The following PARD3 variants were observed in gnomAD, a reference collection of about 807,000 sequenced individuals.
PARD3 encodes partitioning defective 3 homolog.
PARD3 carries 75 observed loss-of-function variants against 155.4 expected under a neutral mutation model. The observed-to-expected ratio is 0.48, with a 90% CI of 0.40 to 0.58. The LOEUF (loss-of-function observed/expected upper bound fraction) is 0.58. Among genes scored for constraint, PARD3 ranks in the 20% least tolerant of loss-of-function variants. PARD3 has a pLI of 0.00. For missense variants in PARD3, 1,642 were observed against 1,721.7 expected, an observed-to-expected ratio of 0.95 and a Z score of 0.82; for synonymous variants, 576 against 610.5, an observed-to-expected ratio of 0.94 and a Z score of 0.83.
At chr10:34,169,375 A>G (rs992031526) in intron 22 of PARD3, among the ~76,000 whole-genome samples, 22 of 152,238 alleles carry the variant, frequency 1.4e-4, no homozygotes, top group Non-Finnish European at 8.8e-5. Flanking sequence ...GCAGGAGAGC[A>G]GGAGATGACA....
chr10:34,649,808 T>C (rs1185501083), intron 2 of PARD3, among the ~76,000 whole-genome samples: 1 of 152,246 alleles, frequency 6.6e-6, no homozygotes, highest in Admixed American at 6.5e-5. Flanking sequence ...ACACTTGGCT[T>C]AAACACACAC....
rs774680343 is a variant in PARD3 at position 34,382,955 on chromosome 10, T to G, written c.1017-33A>C. On this transcript the variant is annotated intron_variant, in intron 8 of 24. Transcript: ENST00000374788. ...TGAGAAAGAATAGAAAATTAGCAAATTAAGACTGGCAGACTAGAAGATATT... is the reference window on the plus strand; with the variant it reads ...TGAGAAAGAATAGAAAATTAGCAAAGTAAGACTGGCAGACTAGAAGATATT... 3.1e-6 allele frequency: 5 copies of G among 1,609,184 alleles called. No individual in the cohort carries two copies. The South Asian group carries it at 5.5e-5, about 18-fold the overall frequency.
intron 1 of PARD3, among the ~76,000 whole-genome samples, chr10:34,787,297 T>C (rs1484103567): frequency 6.6e-6 from 1 of 152,188 alleles, no homozygotes; most frequent in East Asian, 1.9e-4. Flanking sequence ...GAGAATTGCT[T>C]GAACCCAGGA....
rs867478584 is a variant in PARD3, at chr10:34,254,550, G to A, written c.3419+15107C>T. ...TAGGTAGGTAAACGTGTGTGTGTGT[G>A]TGTGTGTGTGTGTGTGTGTGTGTGT... On this transcript the variant is annotated intron_variant, in intron 22 of 24. Coordinates refer to ENST00000374788, the MANE Select transcript of PARD3 (RefSeq NM_001184785.2). 5.3e-4 allele frequency among the ~76,000 whole-genome samples: 73 copies of A among 136,720 alleles called. 1 individual carries two copies. The South Asian group carries it at 7.5e-3, about 14-fold the overall frequency. 89.7% of individuals were successfully genotyped at this position (136,720 alleles called of 152,430 possible). A position where few individuals can be genotyped will look rare whatever the true frequency, so the allele number is the denominator to read the frequency against.
At chr10:34,597,768 C>G (rs1017074328) in intron 2 of PARD3, among the ~76,000 whole-genome samples, 3 of 152,152 alleles carry the variant, frequency 2.0e-5, no homozygotes, top group African/African-American at 7.2e-5. Flanking sequence ...GGTATGGGGA[C>G]CACACCTTGA....
intron 2 of PARD3, among the ~76,000 whole-genome samples, chr10:34,695,277 C>G (rs2094145273): frequency 6.6e-6 from 1 of 152,022 alleles, no homozygotes; most frequent in Admixed American, 6.5e-5. Context: ...GAGTTCAAGA[C>G]CAGCCTGACC....
intron 1 of PARD3, among the ~76,000 whole-genome samples, chr10:34,753,702 A>G (rs1306545988): frequency 2.0e-5 from 3 of 152,206 alleles, no homozygotes; most frequent in Non-Finnish European, 4.4e-5. Flanking sequence ...TTTGATTAAT[A>G]AAATCCAAGA....
At chr10:34,432,071 A>AAAAAAAAAT (rs2075960604) in intron 5 of PARD3, among the ~76,000 whole-genome samples, 1 of 145,058 alleles carries the variant, frequency 6.9e-6, no homozygotes, top group Non-Finnish European at 1.5e-5. Context: ...AAAAAAAAAA[A>AAAAAAAAAT]GAATGCAGAG....
At position 34,341,774 on chromosome 10, in the gene PARD3, T is replaced by C. The variant is rs1836855309; in HGVS notation, c.2261A>G (p.Asp754Gly). ...LSPTVNMPQD[D>G]TVIIEDDRLP... ...CCTGTCATCTTCTATAATGACAGTGTCATCTTGGGGCATATTCACTGTAGG... is the reference window on the plus strand; with the variant it reads ...CCTGTCATCTTCTATAATGACAGTGCCATCTTGGGGCATATTCACTGTAGG... Residue 754 changes from aspartate to glycine, a missense_variant, in exon 16 of 25, where the codon GAC (aspartate) becomes GGC (glycine). Asp to Gly is a moderately conservative substitution (Grantham distance 94). Around this residue, in one of 3 missense-constraint regions of PARD3, gnomAD observed 1,529 missense variants for 1,587.3 expected, o/e 0.96. Transcript: ENST00000374788. The C allele has an allele frequency of 1.9e-6, 3 of 1,613,582 alleles. No individual in the cohort carries two copies. The highest frequency in any genetic ancestry group is 2.5e-6 in the Non-Finnish European group (3 of 1,179,568).
chr10:34,223,831 A>G (rs76080125), intron 22 of PARD3, among the ~76,000 whole-genome samples: 5,513 of 152,294 alleles, frequency 0.036, 141 homozygotes, highest in Non-Finnish European at 0.057. Context: ...CACTGCTTGT[A>G]TTGAATGGGA....
chr10:34,613,190 T>G (rs528361781), intron 2 of PARD3, among the ~76,000 whole-genome samples: 2 of 152,198 alleles, frequency 1.3e-5, no homozygotes, highest in Non-Finnish European at 1.5e-5. Flanking sequence ...CTTTGCACTT[T>G]TATAAAAATA....
At chr10:34,350,610 C>A (rs992655876) in intron 14 of PARD3, among the ~76,000 whole-genome samples, 1 of 117,324 alleles carries the variant, frequency 8.5e-6, no homozygotes, top group Admixed American at 1.1e-4. Flanking sequence ...TCCAGCCTGG[C>A]TAACAGAGAG....
At chr10:34,282,830 T>C (rs1956219733) in intron 21 of PARD3, among the ~76,000 whole-genome samples, 1 of 152,070 alleles carries the variant, frequency 6.6e-6, no homozygotes, top group Non-Finnish European at 1.5e-5. Context: ...TAAGGAACAC[T>C]ATGCACCCAA....
At chr10:34,115,165 T>A (rs1292410876) in intron 24 of PARD3, among the ~76,000 whole-genome samples, 1 of 151,926 alleles carries the variant, frequency 6.6e-6, no homozygotes, top group Non-Finnish European at 1.5e-5. Context: ...GGGAAGTAGA[T>A]TGGAGACATA....
At chr10:34,253,107 T>A (rs1341788345) in intron 22 of PARD3, among the ~76,000 whole-genome samples, 1 of 152,180 alleles carries the variant, frequency 6.6e-6, no homozygotes, top group African/African-American at 2.4e-5. Flanking sequence ...GGTTTTAGAT[T>A]TGTCTGTTAC....
intron 7 of PARD3, among the ~76,000 whole-genome samples, chr10:34,391,296 TGAGCCCAATATACA>T (rs1842849925): frequency 6.6e-6 from 1 of 152,182 alleles, no homozygotes. Flanking sequence ...GTGTACTCTC[TGAGCCCAATATACA>T]GAGAAAGGAG....
intron 2 of PARD3, among the ~76,000 whole-genome samples, chr10:34,569,009 T>G (rs2086174854): frequency 6.6e-6 from 1 of 152,360 alleles, no homozygotes; most frequent in Admixed American, 6.5e-5. Flanking sequence ...TTTTCCAAAG[T>G]CCTGTTCATG....
chr10:34,753,243 G>A (rs1426330258), intron 1 of PARD3, among the ~76,000 whole-genome samples: 1 of 152,234 alleles, frequency 6.6e-6, no homozygotes, highest in African/African-American at 2.4e-5. Context: ...AGGGCACTTG[G>A]ACTGACAAAT....
intron 2 of PARD3, among the ~76,000 whole-genome samples, chr10:34,629,453 GCACACACACA>G (rs138413704): frequency 2.6e-5 from 4 of 151,898 alleles, no homozygotes; most frequent in Admixed American, 2.6e-4. Flanking sequence ...GTGTGCATGT[GCACACACACA>G]CACATACACA....
Sources: gnomAD v4.1 joint callset for allele counts (sites outside exome capture counted in the v4.1 genomes callset) on GRCh38, gnomAD v4.1.1 for gene constraint, gnomAD v4.1.1 regional missense constraint, MANE v1.5 for transcripts, NCBI Gene and HGNC (gene_info 2026-07-23, HGNC 2026-07-21) for gene names.